The following PTPRE variants were observed in gnomAD, a reference collection of about 807,000 sequenced individuals.
PTPRE encodes protein tyrosine phosphatase receptor type E, also known as receptor-type tyrosine-protein phosphatase epsilon.
Under a neutral mutation model 102.0 loss-of-function variants are expected in PTPRE, and 51 were observed. The ratio of observed to expected loss-of-function variants is 0.50; its 90% CI spans 0.40 to 0.63. The LOEUF is 0.63. PTPRE is among the 30% of genes least tolerant of loss of function. The probability of loss-of-function intolerance (pLI) is 0.00; values close to 1 mark genes in which losing one functional copy is unlikely to be tolerated. For synonymous variants in PTPRE, 345 were observed against 348.2 expected (o/e 0.99, Z 0.10); for missense variants, 752 against 915.1 (o/e 0.82, Z 2.30).
intron 2 of PTPRE, among the ~76,000 whole-genome samples, chr10:128,006,675 G>C (rs769848186): frequency 6.6e-6 from 1 of 152,092 alleles, no homozygotes; most frequent in Non-Finnish European, 1.5e-5. Context: ...GCCAGACCTG[G>C]GGTACAGCAG....
intron 1 of PTPRE, among the ~76,000 whole-genome samples, chr10:127,910,035 C>T (rs1234300456): frequency 1.3e-5 from 2 of 152,160 alleles, no homozygotes; most frequent in Non-Finnish European, 2.9e-5. Flanking sequence ...CCCCGTATTC[C>T]CTTGCTAGAC....
intron 6 of PTPRE, among the ~76,000 whole-genome samples, chr10:128,050,255 T>C (rs1394422255): frequency 6.7e-6 from 1 of 148,254 alleles, no homozygotes; most frequent in Non-Finnish European, 1.5e-5. Flanking sequence ...GATGGATGGA[T>C]GGATGATGGA....
chr10:127,961,018 CAAA>C (rs5788882), intron 1 of PTPRE, among the ~76,000 whole-genome samples: 1 of 140,362 alleles, frequency 7.1e-6, no homozygotes, highest in Non-Finnish European at 1.5e-5. Flanking sequence ...CAGACTCTGT[CAAA>C]AAAAAAAAAA....
chr10:128,023,489 T>G (rs1393019204), intron 2 of PTPRE, among the ~76,000 whole-genome samples: 1 of 152,248 alleles, frequency 6.6e-6, no homozygotes, highest in Non-Finnish European at 1.5e-5. Context: ...CACGTTTACA[T>G]GACTTCCATG....
At position 128,065,933 on chromosome 10, in the gene PTPRE, G is replaced by A. The variant is rs111226930; in HGVS notation, c.724-142G>A. ...CCTCAGTTTCCCCATTCAAGAGGTC[G>A]ACACACGTGAACTTGTTTCTCAGCT... is the stretch of plus-strand genomic sequence containing the variant. On this transcript the variant is annotated intron_variant, in intron 10 of 20. Transcript: ENST00000254667. 1,968 of 1,235,948 alleles carry A rather than the reference G, an allele frequency of 1.6e-3. 24 individuals are homozygous for A. The African/African-American group carries it at 0.021, about 13-fold the overall frequency. 76.6% of individuals were successfully genotyped at this position (1,235,948 alleles called of 1,614,324 possible). A position where few individuals can be genotyped will look rare whatever the true frequency, so the allele number is the denominator to read the frequency against.
At chr10:128,036,200 C>G (rs534485489) in intron 2 of PTPRE, among the ~76,000 whole-genome samples, 1 of 152,192 alleles carries the variant, frequency 6.6e-6, no homozygotes, top group African/African-American at 2.4e-5. Context: ...GAGCTCCCTT[C>G]CTCGGGCCCT....
chr10:127,995,118 G>C (rs954874677), intron 2 of PTPRE, among the ~76,000 whole-genome samples: 1 of 152,148 alleles, frequency 6.6e-6, no homozygotes, highest in South Asian at 2.1e-4. Flanking sequence ...TCAGGGCAGA[G>C]AGTCAGCAGC....
At chr10:127,985,428 C>CA (rs1480318577) in intron 2 of PTPRE, among the ~76,000 whole-genome samples, 2 of 151,494 alleles carry the variant, frequency 1.3e-5, no homozygotes, top group Non-Finnish European at 2.9e-5. Flanking sequence ...ACTAAAAATA[C>CA]AAAAATTAGC....
At position 128,047,809 on chromosome 10, in the gene PTPRE, G is replaced by T. The variant is rs1342395133; in HGVS notation, c.255G>T (p.Lys85Asn). 6.2e-7 allele frequency: 1 copy of T among 1,604,946 alleles called. No individual in the cohort carries two copies. The highest frequency in any genetic ancestry group is 2.2e-5 in the East Asian group (1 of 44,586). ...CTGTGGTCAGCACCAGCGACAAGAA[G>T]ATGCCCAACGGAATCTTGGAGGAGC... The part of the protein sequence containing the change: ...RKAVVSTSDK[K>N]MPNGILEEQE... The change falls in exon 5 of 21, where the codon AAG becomes AAT. Residue 85 changes from lysine to asparagine, a missense_variant. This residue lies in a region of PTPRE where 636 missense variants were observed against 824.4 expected (regional missense o/e 0.77). Coordinates refer to ENST00000254667, the MANE Select transcript of PTPRE (RefSeq NM_006504.6).
intron 1 of PTPRE, among the ~76,000 whole-genome samples, chr10:127,916,839 T>C (rs1846241645): frequency 6.6e-6 from 1 of 152,196 alleles, no homozygotes; most frequent in Non-Finnish European, 1.5e-5. Context: ...GGGAAGACTA[T>C]GGACTCATTC....
At chr10:127,939,616 A>G (rs1172091686) in intron 1 of PTPRE, among the ~76,000 whole-genome samples, 1 of 152,126 alleles carries the variant, frequency 6.6e-6, no homozygotes, top group Non-Finnish European at 1.5e-5. Flanking sequence ...GAGCAACCCA[A>G]GGAGTTGGGT....
At position 128,028,914 on chromosome 10, in the gene PTPRE, G is replaced by A. The variant is rs139361163; in HGVS notation, c.-7-11961G>A. ...CTCTGGCCTCAGCTGTCCTCCTCGAGGAGCGCTATCCTGCTCCGTCTCTGC... is the reference window on the plus strand; with the variant it reads ...CTCTGGCCTCAGCTGTCCTCCTCGAAGAGCGCTATCCTGCTCCGTCTCTGC... On this transcript the variant is annotated intron_variant, in intron 2 of 20. Coordinates refer to ENST00000254667, the MANE Select transcript of PTPRE (RefSeq NM_006504.6). The surrounding 1 kb of genome is among the most constrained non-coding windows in gnomAD (Gnocchi z 4.5). 6.9e-3 allele frequency among the ~76,000 whole-genome samples: 1,046 copies of A among 152,312 alleles called. 6 individuals carry two copies. Among genetic ancestry groups the A allele is most frequent in the Middle Eastern group, 0.027 (8 of 294 alleles).
At chr10:127,913,102 T>A (rs184783613) in intron 1 of PTPRE, among the ~76,000 whole-genome samples, 5 of 152,284 alleles carry the variant, frequency 3.3e-5, no homozygotes, top group African/African-American at 1.2e-4. Context: ...CCCAAGTCTT[T>A]ACGGTGGGGA....
rs372667808 is a variant in PTPRE at position 128,077,697 on chromosome 10, C to G, written c.1806C>G (p.Ala602=). The G allele has an allele frequency of 6.2e-7, 1 of 1,613,894 alleles. No homozygotes were observed. The highest frequency in any genetic ancestry group is 2.2e-5 in the East Asian group (1 of 44,868). The change falls in exon 19 of 21, where the codon GCC becomes GCG. Residue 602 remains alanine (A), a synonymous_variant. Coordinates refer to ENST00000254667, the MANE Select transcript of PTPRE (RefSeq NM_006504.6). The part of the protein sequence containing the change: ...FHGWPEIGIP[A]EGKGMIDLIA... The stretch of plus-strand genomic sequence containing the variant: ...GCTGGCCTGAGATCGGGATTCCCGC[C>G]GAGGGCAAAGGCATGATTGACCTCA...
At position 127,982,958 on chromosome 10, in the gene PTPRE, G is replaced by A. The variant is rs1589900534; in HGVS notation, c.-8+662G>A. On this transcript the variant is annotated intron_variant, in intron 2 of 20. Coordinates refer to ENST00000254667, the MANE Select transcript of PTPRE (RefSeq NM_006504.6). ...GAAGGAAGAAAATCTAAGAGCTTTCGCAGTGTCTGCAGCGTGCAGGTGAGT... is the reference window on the plus strand; with the variant it reads ...GAAGGAAGAAAATCTAAGAGCTTTCACAGTGTCTGCAGCGTGCAGGTGAGT... 3.3e-5 allele frequency among the ~76,000 whole-genome samples: 5 copies of A among 152,266 alleles called. No homozygotes were observed. In the East Asian group the frequency reaches 7.7e-4, roughly 24 times the overall value.
At chr10:127,950,490 G>A (rs1452100727) in intron 1 of PTPRE, among the ~76,000 whole-genome samples, 2 of 152,182 alleles carry the variant, frequency 1.3e-5, no homozygotes, top group African/African-American at 2.4e-5. Context: ...CACTAGGAGG[G>A]TCCAGAAGAC....
At chr10:128,045,534 G>A (rs1005133686) in intron 3 of PTPRE, among the ~76,000 whole-genome samples, 18 of 152,194 alleles carry the variant, frequency 1.2e-4, no homozygotes, top group Admixed American at 1.0e-3. Context: ...GGAGGAGGGG[G>A]ACCGAGGCCC....
chr10:127,959,067 C>T (rs1257482560), intron 1 of PTPRE, among the ~76,000 whole-genome samples: 7 of 151,980 alleles, frequency 4.6e-5, no homozygotes, highest in Admixed American at 2.6e-4. Flanking sequence ...CCGCTAATTT[C>T]GTATTTTTAG....
intron 1 of PTPRE, among the ~76,000 whole-genome samples, chr10:127,927,138 G>A (rs939497381): frequency 2.0e-5 from 3 of 152,040 alleles, no homozygotes; most frequent in Admixed American, 1.3e-4. Flanking sequence ...ACAATGGCAG[G>A]TAGGTACACT....
Sources: allele counts gnomAD v4.1 joint callset (sites outside exome capture counted in the v4.1 genomes callset), GRCh38; gene constraint gnomAD v4.1.1; regional missense constraint gnomAD v4.1.1; non-coding constraint Gnocchi (gnomAD v3.1); transcripts MANE v1.5; gene names NCBI Gene and HGNC (gene_info 2026-07-23, HGNC 2026-07-21).